Variants in RBFOX1 observed in about 807,000 individuals in gnomAD.
RBFOX1 encodes RNA binding fox-1 homolog 1, also known as RNA binding protein fox-1 homolog 1.
In RBFOX1, 8 loss-of-function variants were observed where a neutral mutation model predicts 57.7. That is an observed-to-expected ratio of 0.14 (90% confidence interval 0.08 to 0.25). RBFOX1 has a LOEUF of 0.25. Among genes scored for constraint, RBFOX1 ranks in the 10% least tolerant of loss-of-function variants. RBFOX1 has a pLI of 1.00. For synonymous variants in RBFOX1, 326 were observed against 222.4 expected (o/e 1.47, Z -4.15); for missense variants, 611 against 548.5 (o/e 1.11, Z -1.14).
chr16:6,522,246 G>T (rs768233260), intron 2 of RBFOX1, among the ~76,000 whole-genome samples: 3 of 150,678 alleles, frequency 2.0e-5, no homozygotes, highest in Non-Finnish European at 2.9e-5. Flanking sequence ...ATAAACCTCT[G>T]CCCTACCCCC....
intron 4 of RBFOX1, among the ~76,000 whole-genome samples, chr16:7,178,363 C>G (rs770931550): frequency 6.6e-6 from 1 of 152,152 alleles, no homozygotes; most frequent in Non-Finnish European, 1.5e-5. Context: ...GGGTCACTAA[C>G]AATTTGGGCA....
intron 3 of RBFOX1, among the ~76,000 whole-genome samples, chr16:6,910,603 G>C (rs892098166): frequency 6.6e-6 from 1 of 152,160 alleles, no homozygotes; most frequent in African/African-American, 2.4e-5. Flanking sequence ...ATTTCTTCCG[G>C]AGGTTTTATG....
At chr16:6,459,923 G>A (rs1461676648) in intron 2 of RBFOX1, among the ~76,000 whole-genome samples, 1 of 135,386 alleles carries the variant, frequency 7.4e-6, no homozygotes, top group Non-Finnish European at 1.5e-5. Flanking sequence ...GGCGGAGGTT[G>A]TGGTGAGCTG....
intron 1 of RBFOX1, among the ~76,000 whole-genome samples, chr16:5,261,490 T>C (rs1224561376): frequency 6.6e-6 from 1 of 152,094 alleles, no homozygotes; most frequent in Non-Finnish European, 1.5e-5. Context: ...TCTTGGATTA[T>C]ATTCTGTTTT....
intron 3 of RBFOX1, among the ~76,000 whole-genome samples, chr16:5,846,648 C>T (rs760276573): frequency 1.4e-4 from 22 of 152,322 alleles, no homozygotes; most frequent in Non-Finnish European, 2.4e-4. Context: ...CTTCTCTCCA[C>T]CACACTCAGC....
intron 1 of RBFOX1, among the ~76,000 whole-genome samples, chr16:6,205,594 G>A (rs1019679842): frequency 6.6e-6 from 1 of 152,034 alleles, no homozygotes; most frequent in African/African-American, 2.4e-5. Flanking sequence ...GGTACATTTG[G>A]TGTACAGCAG....
chr16:6,579,010 A>C (rs190777887), intron 2 of RBFOX1, among the ~76,000 whole-genome samples: 4 of 152,110 alleles, frequency 2.6e-5, no homozygotes, highest in Non-Finnish European at 4.4e-5. Context: ...TTATGTAACC[A>C]AACACCACCT....
intron 1 of RBFOX1, among the ~76,000 whole-genome samples, chr16:5,304,413 C>T (rs1444583492): frequency 6.6e-6 from 1 of 152,120 alleles, no homozygotes; most frequent in African/African-American, 2.4e-5. Flanking sequence ...CTTTTTCCTC[C>T]TACTTTTTGA....
intron 7 of RBFOX1, among the ~76,000 whole-genome samples, chr16:7,590,525 T>G (rs1446229367): frequency 6.6e-6 from 1 of 152,024 alleles, no homozygotes; most frequent in Admixed American, 6.6e-5. Flanking sequence ...TATGGTCTAT[T>G]TAAGGGCTGT....
chr16:5,915,146 A>C (rs1228167065), intron 4 of RBFOX1, among the ~76,000 whole-genome samples: 1 of 151,720 alleles, frequency 6.6e-6, no homozygotes, highest in Non-Finnish European at 1.5e-5. Flanking sequence ...TTTATTGCCC[A>C]CTCCCTTTGT....
At position 6,451,523 on chromosome 16, in the gene RBFOX1, C is replaced by T. The variant is rs557421245; in HGVS notation, c.-64+134466C>T. On this transcript the variant is annotated intron_variant, in intron 2 of 15. Coordinates refer to ENST00000550418, the MANE Select transcript of RBFOX1 (RefSeq NM_018723.4). ...CACTTCCACCTGTCAGCCTCCTGGG[C>T]GTGACTTCCCCAACGTGGGGAAGAT... 3.3e-5 allele frequency among the ~76,000 whole-genome samples: 5 copies of T among 152,270 alleles called. No individual in the cohort carries two copies. The East Asian group carries it at 9.7e-4, about 29-fold the overall frequency.
In RBFOX1 at chr16:7,551,146, G is replaced by A. The variant is rs976041512; in HGVS notation, c.271-28631G>A. Among the ~76,000 whole-genome samples, 5 of 150,226 alleles carry A rather than the reference G, an allele frequency of 3.3e-5. No individual in the cohort carries two copies. The South Asian group carries it at 6.3e-4, about 19-fold the overall frequency. On this transcript the variant is annotated intron_variant, in intron 5 of 15. Coordinates refer to ENST00000550418, the MANE Select transcript of RBFOX1 (RefSeq NM_018723.4). ...TTTACAGGACTTCTGCTTTCGCCAC[G>A]ATAGAGTAACAGGGACTGGTGTGCA...
chr16:6,792,090 A>G (rs1327318896), intron 3 of RBFOX1, among the ~76,000 whole-genome samples: 2 of 152,182 alleles, frequency 1.3e-5, no homozygotes, highest in Non-Finnish European at 2.9e-5. Flanking sequence ...ATACCTAAAT[A>G]CATTTTAATA....
intron 1 of RBFOX1, among the ~76,000 whole-genome samples, chr16:6,137,562 T>G (rs1197343560): frequency 6.7e-6 from 1 of 149,970 alleles, no homozygotes; most frequent in Non-Finnish European, 1.5e-5. Flanking sequence ...CACCTCGGCC[T>G]CCCAAAGTGC....
chr16:7,486,954 C>T (rs2065564393), intron 4 of RBFOX1, among the ~76,000 whole-genome samples: 1 of 152,146 alleles, frequency 6.6e-6, no homozygotes, highest in Non-Finnish European at 1.5e-5. Context: ...GTCTGGAGTA[C>T]AGTGGCACAA....
At chr16:6,274,558 G>C (rs970514041) in intron 1 of RBFOX1, among the ~76,000 whole-genome samples, 1 of 152,106 alleles carries the variant, frequency 6.6e-6, no homozygotes, top group Non-Finnish European at 1.5e-5. Flanking sequence ...AAATGGGTGT[G>C]GTTATGAAAG....
chr16:5,618,397 G>C (rs1760661136), intron 3 of RBFOX1, among the ~76,000 whole-genome samples: 1 of 152,090 alleles, frequency 6.6e-6, no homozygotes, highest in Admixed American at 6.5e-5. Context: ...CAGTGCAGTG[G>C]TGCGATCTCG....
At chr16:7,520,481 T>G (rs1045560913) in intron 5 of RBFOX1, among the ~76,000 whole-genome samples, 1 of 152,192 alleles carries the variant, frequency 6.6e-6, no homozygotes, top group Non-Finnish European at 1.5e-5. Context: ...GATAGCTTTT[T>G]GTGTCTGGCT....
intron 3 of RBFOX1, among the ~76,000 whole-genome samples, chr16:5,811,113 A>C (rs1278488174): frequency 6.8e-6 from 1 of 146,848 alleles, no homozygotes. Context: ...AGTTTTTAGA[A>C]TTTTATATAA....
Sources: gnomAD v4.1 joint callset for allele counts (sites outside exome capture counted in the v4.1 genomes callset) on GRCh38, gnomAD v4.1.1 for gene constraint, MANE v1.5 for transcripts, NCBI Gene and HGNC (gene_info 2026-07-23, HGNC 2026-07-21) for gene names.